The following TPD52L2 variants were observed in gnomAD, a reference collection of about 807,000 sequenced individuals.
The protein encoded by TPD52L2 is tumor protein D54.
A neutral mutation model predicts 24.7 loss-of-function variants in TPD52L2; 19 were observed. The ratio of observed to expected loss-of-function variants is 0.77; its 90% CI spans 0.54 to 1.13. TPD52L2 has a LOEUF of 1.13. TPD52L2 is among the 50% of genes most tolerant of loss of function. TPD52L2 has a pLI of 0.00. For missense variants in TPD52L2, 236 were observed against 250.4 expected (o/e 0.94, Z 0.39); for synonymous variants, 104 against 100.2 (o/e 1.04, Z -0.23).
intron 4 of TPD52L2, among the ~76,000 whole-genome samples, chr20:63,881,207 C>A (rs560398610): frequency 3.8e-4 from 57 of 151,992 alleles, no homozygotes; most frequent in Non-Finnish European, 6.2e-4. Flanking sequence ...ACTAAAAAGA[C>A]AAATTTAGCA....
chr20:63,886,114 C>T, intron 5 of TPD52L2: 1 of 1,497,706 alleles, frequency 6.7e-7, no homozygotes, highest in South Asian at 1.1e-5. Context: ...CCGGCAGGGC[C>T]CTTGGGCGGC....
intron 1 of TPD52L2, among the ~76,000 whole-genome samples, chr20:63,867,919 T>A (rs948919003): frequency 3.3e-5 from 5 of 151,540 alleles, no homozygotes; most frequent in African/African-American, 1.2e-4. Context: ...ATTACCGGCA[T>A]GAGCCACCCC....
rs41278204 is a variant in TPD52L2, at chr20:63,890,421, C to T, written c.*476C>T. The T allele has an allele frequency of 0.012, 1,931 of 165,118 alleles. 24 individuals are homozygous for T. The highest frequency in any genetic ancestry group is 0.024 in the South Asian group (122 of 5,088). 10.2% of individuals were successfully genotyped at this position (165,118 alleles called of 1,614,324 possible). The stretch of plus-strand genomic sequence containing the variant: ...CAATTTTTTATCTCAAAATGCCGAA[C>T]GAGAAAACTGTCCATTTTCTGAGAC... On this transcript the variant is annotated 3_prime_UTR_variant, in exon 7 of 7. Transcript: ENST00000346249.
chr20:63,886,585 G>A (rs558450619), intron 5 of TPD52L2, among the ~76,000 whole-genome samples: 30 of 151,776 alleles, frequency 2.0e-4, no homozygotes, highest in South Asian at 6.2e-4. Context: ...TCCCGACCTC[G>A]TGATCCGCCC....
rs751848039 is a variant in TPD52L2 at position 63,887,655 on chromosome 20, G to T, written c.477-1535G>T. 3.7e-5 allele frequency: 59 copies of T among 1,590,622 alleles called. 1 individual carries two copies. The highest frequency in any genetic ancestry group is 3.3e-4 in the Middle Eastern group (2 of 6,046). Reference sequence around the variant, plus strand: ...CTCCAGAGCCGGGTGTCTCTGGTGGGGGTTGGGGCAGCTCCCGCCGGTTAC... The same window carrying T: ...CTCCAGAGCCGGGTGTCTCTGGTGGTGGTTGGGGCAGCTCCCGCCGGTTAC... On this transcript the variant is annotated intron_variant, in intron 5 of 6. Coordinates refer to ENST00000346249, the MANE Select transcript of TPD52L2 (RefSeq NM_003288.4).
intron 5 of TPD52L2, chr20:63,888,381 C>T (rs1396289920): frequency 6.6e-6 from 1 of 152,200 alleles, no homozygotes; most frequent in East Asian, 1.9e-4. Flanking sequence ...AACTTCAGTA[C>T]GAGAGCCCAG....
At chr20:63,886,713 C>T (rs941073392) in intron 5 of TPD52L2, among the ~76,000 whole-genome samples, 7 of 149,724 alleles carry the variant, frequency 4.7e-5, no homozygotes, top group Non-Finnish European at 8.9e-5. Flanking sequence ...GGTGTGATCT[C>T]GGCTCACTGC....
At chr20:63,875,787 A>G (rs2052650444) in intron 3 of TPD52L2, 29 bp from the exon 4 acceptor site, 1 of 1,612,084 alleles carries the variant, frequency 6.2e-7, no homozygotes, top group Non-Finnish European at 8.5e-7. Context: ...GTTCTTCTAA[A>G]TAATTCACTG....
At chr20:63,866,986 T>A (rs149022796) in intron 1 of TPD52L2, among the ~76,000 whole-genome samples, 171 of 150,380 alleles carry the variant, frequency 1.1e-3, no homozygotes, top group South Asian at 6.1e-3. Context: ...GGATTTTCGC[T>A]CTTGTTGCCC....
chr20:63,872,920 A>T (rs1003413072), intron 2 of TPD52L2, among the ~76,000 whole-genome samples: 2 of 150,844 alleles, frequency 1.3e-5, no homozygotes, highest in Non-Finnish European at 3.0e-5. Context: ...TAACTGTGTT[A>T]GCCAGGATGG....
chr20:63,872,505 G>T (rs1047234715), intron 2 of TPD52L2, among the ~76,000 whole-genome samples: 1 of 151,880 alleles, frequency 6.6e-6, no homozygotes, highest in East Asian at 1.9e-4. Flanking sequence ...AGCCTCCCGA[G>T]TAGCTGGGGT....
At chr20:63,884,602 C>T (rs1170064608) in intron 5 of TPD52L2, among the ~76,000 whole-genome samples, 1 of 152,252 alleles carries the variant, frequency 6.6e-6, no homozygotes, top group East Asian at 1.9e-4. Context: ...CTGTCTGCTC[C>T]TCCTTCTCTG....
rs1218726142 is a variant in TPD52L2, at chr20:63,869,292, G to A, written c.20-4G>A. The A allele has an allele frequency of 1.2e-6, 2 of 1,613,902 alleles. No individual in the cohort carries two copies. Among genetic ancestry groups the A allele is most frequent in the Admixed American group, 3.3e-5 (2 of 59,988 alleles). On this transcript the variant is annotated splice_region_variant and splice_polypyrimidine_tract_variant and intron_variant, in intron 1 of 6. Transcript: ENST00000346249. The stretch of plus-strand genomic sequence containing the variant: ...ACTTTGTGGCCTCATTTTGTCTCTG[G>A]CAGATATCAACCTGAATTCTCCTAA...
chr20:63,865,293 C>T lies in TPD52L2; in HGVS notation c.-73C>T. 1 of 1,475,822 alleles carries T rather than the reference C, an allele frequency of 6.8e-7. No individual in the cohort carries two copies. The highest frequency in any genetic ancestry group is 2.6e-5 in the East Asian group (1 of 38,178). 91.4% of individuals were successfully genotyped at this position (1,475,822 alleles called of 1,614,324 possible). A position where few individuals can be genotyped will look rare whatever the true frequency, so the allele number is the denominator to read the frequency against. On this transcript the variant is annotated 5_prime_UTR_variant, in exon 1 of 7. Transcript: ENST00000346249. ...GCAGTTCCGCTGGCTAGTGTGTACG[C>T]GGCGAGCTTCTCCCGGCGCCGCCCG...
rs746162524 is a variant in TPD52L2 at position 63,865,321 on chromosome 20, C to T, written c.-45C>T. The stretch of plus-strand genomic sequence containing the variant: ...CGAGCTTCTCCCGGCGCCGCCCGCT[C>T]GGCTCCCATAGCGCCCGCGACAGCG... On this transcript the variant is annotated 5_prime_UTR_variant, in exon 1 of 7. Transcript: ENST00000346249. 4.2e-5 allele frequency: 63 copies of T among 1,506,012 alleles called. 1 individual carries two copies. In the South Asian group the frequency reaches 7.2e-4, roughly 17 times the overall value. 93.3% of individuals were successfully genotyped at this position (1,506,012 alleles called of 1,614,324 possible). A position where few individuals can be genotyped will look rare whatever the true frequency, so the allele number is the denominator to read the frequency against.
intron 4 of TPD52L2, among the ~76,000 whole-genome samples, chr20:63,881,466 A>G (rs2052896423): frequency 6.6e-6 from 1 of 152,148 alleles, no homozygotes; most frequent in African/African-American, 2.4e-5. Flanking sequence ...TTGGTGGGTC[A>G]CACACTCTTG....
intron 2 of TPD52L2, among the ~76,000 whole-genome samples, chr20:63,871,751 A>T (rs1017372648): frequency 6.6e-6 from 1 of 150,902 alleles, no homozygotes; most frequent in African/African-American, 2.4e-5. Context: ...CTCCTGTCTC[A>T]GCCTCCCGAG....
rs146221163 is a variant in TPD52L2, at chr20:63,873,800, G to A, written c.298G>A (p.Val100Met). The part of the protein sequence containing the change: ...KQNLSRSWHD[V>M]QVSSAYVKTS... ...GAACCTGTCCAGGAGCTGGCATGAC[G>A]TGCAGGTCTCTAGCGCGTAGGTACC... The change falls in exon 3 of 7, where the codon GTG becomes ATG. Residue 100 changes from valine to methionine, a missense_variant. By Grantham distance (21) the Val-to-Met change is conservative. Transcript: ENST00000346249. 3,274 of 1,569,784 alleles carry A rather than the reference G, an allele frequency of 2.1e-3. 60 individuals are homozygous for A. In the South Asian group the frequency reaches 0.027, roughly 13 times the overall value.
intron 5 of TPD52L2, among the ~76,000 whole-genome samples, chr20:63,884,627 T>A (rs2053028770): frequency 6.6e-6 from 1 of 152,244 alleles, no homozygotes; most frequent in South Asian, 2.1e-4. Context: ...GGAGAAAGGC[T>A]TTCGCTCTCT....
Sources: allele counts gnomAD v4.1 joint callset (sites outside exome capture counted in the v4.1 genomes callset), GRCh38; gene constraint gnomAD v4.1.1; transcripts MANE v1.5; gene names NCBI Gene and HGNC (gene_info 2026-07-23, HGNC 2026-07-21).